Variants in PTBP2 observed in about 807,000 individuals in gnomAD.
PTBP2 encodes the protein polypyrimidine tract-binding protein 2.
Under a neutral mutation model 61.4 loss-of-function variants are expected in PTBP2, and 13 were observed. The ratio of observed to expected loss-of-function variants is 0.21; its 90% CI spans 0.14 to 0.34. PTBP2 has a LOEUF of 0.34. Among genes scored for constraint, PTBP2 ranks in the 10% least tolerant of loss-of-function variants. The pLI is 1.00. For synonymous variants in PTBP2, 215 were observed against 218.5 expected, an observed-to-expected ratio of 0.98 and a Z score of 0.14; for missense variants, 405 against 642.6, an observed-to-expected ratio of 0.63 and a Z score of 4.00.
intron 2 of PTBP2, among the ~76,000 whole-genome samples, chr1:96,724,155 G>A (rs1650038971): frequency 6.6e-6 from 1 of 152,106 alleles, no homozygotes; most frequent in Non-Finnish European, 1.5e-5. Context: ...TTCCTTTTTG[G>A]CTAAGAAAAC....
intron 7 of PTBP2, among the ~76,000 whole-genome samples, chr1:96,779,078 A>G (rs184593653): frequency 6.6e-6 from 1 of 152,202 alleles, no homozygotes; most frequent in African/African-American, 2.4e-5. Context: ...ACATTTTTTC[A>G]GTCTTAGCCT....
chr1:96,726,337 A>G (rs1321468081), intron 2 of PTBP2, among the ~76,000 whole-genome samples: 1 of 143,988 alleles, frequency 6.9e-6, no homozygotes, highest in Non-Finnish European at 1.5e-5. Flanking sequence ...CAGTGGCATG[A>G]TCTCGGCTTA....
intron 2 of PTBP2, chr1:96,749,695 C>G (rs1334529617): frequency 2.0e-5 from 9 of 455,160 alleles, no homozygotes; most frequent in African/African-American, 1.6e-4. Context: ...ACGTAATTCA[C>G]TTACTTAGTC....
rs769288491 is a variant in PTBP2, at chr1:96,759,827, C to T, written c.115+8327C>T. On this transcript the variant is annotated intron_variant, in intron 3 of 13. Transcript: ENST00000674951. ...TTCATGCTGCTGATAAAGACGTACC[C>T]GAGACTGGGCGGGCAATTTATGAAA... Among the ~76,000 whole-genome samples, 14 of 152,180 alleles carry T rather than the reference C, an allele frequency of 9.2e-5. 1 individual carries two copies. The highest frequency in any genetic ancestry group is 4.1e-4 in the South Asian group (2 of 4,820).
chr1:96,789,303 G>A (rs983890619), intron 8 of PTBP2, among the ~76,000 whole-genome samples: 6 of 152,056 alleles, frequency 3.9e-5, no homozygotes, highest in Admixed American at 3.9e-4. Context: ...AGTTATAATT[G>A]TGAACAGATA....
intron 2 of PTBP2, among the ~76,000 whole-genome samples, chr1:96,725,998 C>G (rs563276513): frequency 3.9e-4 from 54 of 137,368 alleles, no homozygotes; most frequent in African/African-American, 1.4e-3. Flanking sequence ...TGGCATGAAC[C>G]TGCGAGGCAG....
intron 3 of PTBP2, among the ~76,000 whole-genome samples, chr1:96,761,730 TTTTG>T (rs142326644): frequency 0.044 from 6,641 of 152,096 alleles, 442 homozygotes; most frequent in African/African-American, 0.14. Flanking sequence ...TTCTGTTTTT[TTTTG>T]TTTGTTTTTT....
At chr1:96,792,107 G>A (rs1199266883) in intron 8 of PTBP2, among the ~76,000 whole-genome samples, 2 of 152,004 alleles carry the variant, frequency 1.3e-5, no homozygotes, top group Non-Finnish European at 2.9e-5. Context: ...AAAGTGCTGG[G>A]ATTACGGGCG....
At chr1:96,777,238 A>G (rs1176035593) in intron 5 of PTBP2, among the ~76,000 whole-genome samples, 2 of 152,130 alleles carry the variant, frequency 1.3e-5, no homozygotes, top group African/African-American at 4.8e-5. Flanking sequence ...ATTAATGTTA[A>G]AGTTGTATTC....
intron 8 of PTBP2, among the ~76,000 whole-genome samples, chr1:96,789,297 A>C (rs1659539114): frequency 6.6e-6 from 1 of 152,140 alleles, no homozygotes; most frequent in South Asian, 2.1e-4. Context: ...TAAAATAGTT[A>C]TAATTGTGAA....
At position 96,744,168 on chromosome 1, in the gene PTBP2, G is replaced by A. The variant is rs1336201883; in HGVS notation, c.40-7257G>A. On this transcript the variant is annotated intron_variant, in intron 2 of 13. Transcript: ENST00000674951. ...GAACCCGGGAGACAGAGGTTGCAGC[G>A]AGCCGAGATTGCGCCACTGCACTCC... Among the ~76,000 whole-genome samples the A allele has an allele frequency of 2.0e-5, 3 of 152,194 alleles. No individual in the cohort carries two copies. In the East Asian group the frequency reaches 5.8e-4, roughly 29 times the overall value.
At chr1:96,759,319 A>G (rs563751008) in intron 3 of PTBP2, among the ~76,000 whole-genome samples, 1 of 152,298 alleles carries the variant, frequency 6.6e-6, no homozygotes, top group Non-Finnish European at 1.5e-5. Context: ...GAAAAAGTAA[A>G]TTTTGCCACA....
intron 3 of PTBP2, among the ~76,000 whole-genome samples, chr1:96,768,863 T>C (rs1340514259): frequency 6.6e-6 from 1 of 152,056 alleles, no homozygotes; most frequent in Non-Finnish European, 1.5e-5. Context: ...AGCCATAATA[T>C]GGATTGACTG....
intron 2 of PTBP2, among the ~76,000 whole-genome samples, chr1:96,746,342 A>T (rs1390790816): frequency 6.6e-6 from 1 of 151,922 alleles, no homozygotes; most frequent in African/African-American, 2.4e-5. Flanking sequence ...TAGGTATTTA[A>T]TTTCTTAATT....
intron 8 of PTBP2, among the ~76,000 whole-genome samples, chr1:96,786,988 T>G (rs1285815048): frequency 2.0e-5 from 3 of 152,196 alleles, no homozygotes; most frequent in Non-Finnish European, 4.4e-5. Flanking sequence ...TGTGATCTTA[T>G]GACCTTGCTG....
intron 4 of PTBP2, 91 bp from the exon 5 acceptor site, chr1:96,770,617 G>T (rs372457611): frequency 9.1e-7 from 1 of 1,101,000 alleles, no homozygotes; most frequent in Admixed American, 2.3e-5. Flanking sequence ...TTATATTCTA[G>T]ATAATTGATT....
intron 2 of PTBP2, among the ~76,000 whole-genome samples, chr1:96,742,732 A>G (rs1653204270): frequency 6.6e-6 from 1 of 150,820 alleles, no homozygotes; most frequent in African/African-American, 2.4e-5. Flanking sequence ...TTTAAGCTAC[A>G]CAAAAGTAGA....
chr1:96,803,247 T>G (rs976734823), intron 8 of PTBP2, among the ~76,000 whole-genome samples: 5 of 152,266 alleles, frequency 3.3e-5, no homozygotes, highest in South Asian at 2.1e-4. Context: ...TTTCTGAGAT[T>G]TACTTTAAGA....
chr1:96,797,107 C>T (rs148758457), intron 8 of PTBP2, among the ~76,000 whole-genome samples: 64 of 152,204 alleles, frequency 4.2e-4, no homozygotes, highest in Non-Finnish European at 8.2e-4. Flanking sequence ...TTCCAGTAAT[C>T]CAATGGCTAT....
Sources: allele counts gnomAD v4.1 joint callset (sites outside exome capture counted in the v4.1 genomes callset), GRCh38; gene constraint gnomAD v4.1.1; transcripts MANE v1.5; gene names NCBI Gene and HGNC (gene_info 2026-07-23, HGNC 2026-07-21).